TMEM132D: variants seen among roughly 807,000 people sequenced by gnomAD.
TMEM132D encodes the protein transmembrane protein 132D.
Under a neutral mutation model 62.3 loss-of-function variants are expected in TMEM132D, and 21 were observed. The ratio of observed to expected loss-of-function variants is 0.34; its 90% CI spans 0.24 to 0.49. The LOEUF is 0.49. Ranked by LOEUF, TMEM132D falls within the 20% of genes least tolerant of loss-of-function variation. The pLI, the probability that TMEM132D is intolerant of heterozygous loss-of-function variation, is 0.99. For missense variants in TMEM132D, 1,346 were observed against 1,402.8 expected (o/e 0.96, Z 0.65); for synonymous variants, 621 against 575.6 (o/e 1.08, Z -1.13).
intron 5 of TMEM132D, among the ~76,000 whole-genome samples, chr12:129,192,318 C>A (rs577711960): frequency 1.9e-4 from 26 of 138,470 alleles, no homozygotes; most frequent in African/African-American, 5.2e-4. Context: ...TAGCCATGAC[C>A]TCCAAAGTAA....
intron 2 of TMEM132D, among the ~76,000 whole-genome samples, chr12:129,571,331 C>T (rs1027613109): frequency 6.6e-6 from 1 of 152,088 alleles, no homozygotes; most frequent in Non-Finnish European, 1.5e-5. Flanking sequence ...TTTGGGAGGC[C>T]GAGGCAAGTG....
intron 3 of TMEM132D, among the ~76,000 whole-genome samples, chr12:129,435,836 T>C (rs1378193595): frequency 6.6e-6 from 1 of 152,200 alleles, no homozygotes; most frequent in Non-Finnish European, 1.5e-5. Context: ...TACAATATGA[T>C]TATCAAATAT....
At chr12:129,567,820 A>C (rs1033809994) in intron 2 of TMEM132D, among the ~76,000 whole-genome samples, 1 of 152,200 alleles carries the variant, frequency 6.6e-6, no homozygotes, top group Non-Finnish European at 1.5e-5. Flanking sequence ...GGTATAACCT[A>C]CATAAACAAA....
chr12:129,811,188 C>T (rs1872166490), intron 1 of TMEM132D, among the ~76,000 whole-genome samples: 1 of 151,520 alleles, frequency 6.6e-6, no homozygotes, highest in Admixed American at 6.6e-5. Context: ...GGAAAATGAC[C>T]TGGATTTATG....
intron 4 of TMEM132D, among the ~76,000 whole-genome samples, chr12:129,273,230 G>A (rs1412213831): frequency 6.6e-6 from 1 of 151,462 alleles, no homozygotes; most frequent in East Asian, 1.9e-4. Context: ...CAAAAAACAA[G>A]CAAAAGAATA....
At chr12:129,402,335 T>C (rs1871647776) in intron 3 of TMEM132D, among the ~76,000 whole-genome samples, 1 of 152,174 alleles carries the variant, frequency 6.6e-6, no homozygotes, top group African/African-American at 2.4e-5. Context: ...TGTACAGCTC[T>C]CACTCGACGG....
intron 2 of TMEM132D, among the ~76,000 whole-genome samples, chr12:129,684,242 G>A (rs1276205020): frequency 6.6e-6 from 1 of 152,146 alleles, no homozygotes; most frequent in Non-Finnish European, 1.5e-5. Context: ...GATCCAGTGG[G>A]AGATAATTGA....
At chr12:129,381,822 A>C (rs1870963897) in intron 3 of TMEM132D, among the ~76,000 whole-genome samples, 2 of 152,172 alleles carry the variant, frequency 1.3e-5, no homozygotes, top group South Asian at 4.1e-4. Flanking sequence ...GCACCAAATC[A>C]CAGGAAATTA....
chr12:129,903,463 A>C lies in TMEM132D; in HGVS notation c.-124T>G. On this transcript the variant is annotated 5_prime_UTR_variant, in exon 1 of 9. Coordinates refer to ENST00000422113, the MANE Select transcript of TMEM132D (RefSeq NM_133448.3). The surrounding 1 kb of genome is among the most constrained non-coding windows in gnomAD (Gnocchi z 6.2). The stretch of plus-strand genomic sequence containing the variant: ...GAGGGAGCGCCCGGCTAGGGGCCCG[A>C]GCAGCCCGGGCGCCCTGCTCCCTCT... 2 of 1,029,626 alleles carry C rather than the reference A, an allele frequency of 1.9e-6. No individual in the cohort carries two copies. The highest frequency in any genetic ancestry group is 1.5e-5 in the South Asian group (1 of 64,774). 63.8% of individuals were successfully genotyped at this position (1,029,626 alleles called of 1,614,324 possible). A position where few individuals can be genotyped will look rare whatever the true frequency, so the allele number is the denominator to read the frequency against.
intron 6 of TMEM132D, among the ~76,000 whole-genome samples, chr12:129,083,218 G>A (rs1430895874): frequency 6.6e-6 from 1 of 152,186 alleles, no homozygotes; most frequent in Non-Finnish European, 1.5e-5. Flanking sequence ...GATAAGAAAG[G>A]CAGAGAGGGC....
intron 2 of TMEM132D, among the ~76,000 whole-genome samples, chr12:129,615,460 C>T (rs1314470343): frequency 4.6e-5 from 7 of 150,758 alleles, no homozygotes; most frequent in East Asian, 3.9e-4. Context: ...AAAAAAAGTA[C>T]GGCCGTGAGA....
intron 3 of TMEM132D, among the ~76,000 whole-genome samples, chr12:129,453,065 T>A (rs12313477): frequency 6.6e-6 from 1 of 152,170 alleles, no homozygotes; most frequent in Non-Finnish European, 1.5e-5. Flanking sequence ...TAGATTCTCA[T>A]AGGAGCACAA....
chr12:129,453,846 G>A (rs1266777800), intron 3 of TMEM132D, among the ~76,000 whole-genome samples: 1 of 152,194 alleles, frequency 6.6e-6, no homozygotes, highest in African/African-American at 2.4e-5. Flanking sequence ...GCGTGTTCCT[G>A]TGTCTGTGTA....
chr12:129,747,569 GAC>G (rs142743881), intron 1 of TMEM132D, among the ~76,000 whole-genome samples: 168 of 144,390 alleles, frequency 1.2e-3, no homozygotes, highest in Non-Finnish European at 1.6e-3. Flanking sequence ...CACACTTTCA[GAC>G]ACACACACAC....
chr12:129,297,122 C>T (rs116750754), intron 4 of TMEM132D, among the ~76,000 whole-genome samples: 2,169 of 152,278 alleles, frequency 0.014, 59 homozygotes, highest in African/African-American at 0.049. Flanking sequence ...GCAGGGAGAC[C>T]CCCGTCTTTA....
At chr12:129,316,406 A>G (rs1281544378) in intron 4 of TMEM132D, among the ~76,000 whole-genome samples, 1 of 152,114 alleles carries the variant, frequency 6.6e-6, no homozygotes, top group African/African-American at 2.4e-5. Flanking sequence ...TTTTGACCCA[A>G]TGCTCATTCA....
chr12:129,838,569 G>C (rs1873078688), intron 1 of TMEM132D, among the ~76,000 whole-genome samples: 2 of 152,292 alleles, frequency 1.3e-5, no homozygotes, highest in East Asian at 1.9e-4. Context: ...CTCTGTAACT[G>C]TTGGTTAAAC....
intron 5 of TMEM132D, among the ~76,000 whole-genome samples, chr12:129,168,554 T>A (rs533100785): frequency 1.3e-5 from 2 of 152,286 alleles, no homozygotes; most frequent in East Asian, 3.9e-4. Context: ...TTCCTTCACC[T>A]AATATGACGT....
At chr12:129,076,114 C>T (rs1344647649) in intron 8 of TMEM132D, among the ~76,000 whole-genome samples, 1 of 146,300 alleles carries the variant, frequency 6.8e-6, no homozygotes, top group East Asian at 2.0e-4. Context: ...GAACTTGAAA[C>T]CAGAAAGACA....
Sources: allele counts gnomAD v4.1 joint callset (sites outside exome capture counted in the v4.1 genomes callset), GRCh38; gene constraint gnomAD v4.1.1; non-coding constraint Gnocchi (gnomAD v3.1); transcripts MANE v1.5; gene names NCBI Gene and HGNC (gene_info 2026-07-23, HGNC 2026-07-21).